AOPEP: variants seen among roughly 807,000 people sequenced by gnomAD.
AOPEP encodes the protein aminopeptidase O.
AOPEP carries 77 observed loss-of-function variants against 98.1 expected under a neutral mutation model. That is an observed-to-expected ratio of 0.78 (90% CI 0.65 to 0.95). The LOEUF is 0.95. Ranked by LOEUF, AOPEP falls within the 40% of genes least tolerant of loss-of-function variation. The pLI, the probability that AOPEP is intolerant of heterozygous loss-of-function variation, is 0.00. For missense variants in AOPEP, 1,024 were observed against 1,024.7 expected (o/e 1.00, Z 0.01); for synonymous variants, 346 against 365.3 (o/e 0.95, Z 0.60).
At chr9:94,928,716 G>A (rs141943676) in intron 7 of AOPEP, 185 bp downstream of exon 7, 35 of 531,618 alleles carry the variant, frequency 6.6e-5, no homozygotes, top group South Asian at 3.8e-4. Flanking sequence ...TTTGCCTTCC[G>A]TCATTTTCCT....
intron 16 of AOPEP, among the ~76,000 whole-genome samples, chr9:95,084,155 C>A (rs982152880): frequency 6.6e-6 from 1 of 152,054 alleles, no homozygotes; most frequent in African/African-American, 2.4e-5. Context: ...CGTGTTATAG[C>A]TTCTCTATAA....
intron 11 of AOPEP, chr9:95,004,109 T>C (rs1174834902): frequency 2.5e-6 from 1 of 398,270 alleles, no homozygotes; most frequent in East Asian, 7.5e-5. Context: ...AGACAGATTT[T>C]CTTTAAAGAA....
At chr9:94,934,026 G>T (rs2055836863) in intron 7 of AOPEP, among the ~76,000 whole-genome samples, 4 of 152,194 alleles carry the variant, frequency 2.6e-5, no homozygotes, top group Admixed American at 2.6e-4. Context: ...GGGATTACAG[G>T]CGTGAGCCAC....
intron 1 of AOPEP, among the ~76,000 whole-genome samples, chr9:94,751,660 C>T (rs1835804285): frequency 6.6e-6 from 1 of 151,952 alleles, no homozygotes; most frequent in Admixed American, 6.6e-5. Context: ...AATCATCTCT[C>T]TGGGCTTCTG....
At chr9:95,072,866 G>T (rs2068649944) in intron 14 of AOPEP, among the ~76,000 whole-genome samples, 1 of 152,176 alleles carries the variant, frequency 6.6e-6, no homozygotes, top group Admixed American at 6.5e-5. Flanking sequence ...TTCTAGCATT[G>T]CAGGAAGTCA....
intron 7 of AOPEP, among the ~76,000 whole-genome samples, chr9:94,953,457 T>C (rs1589058791): frequency 1.3e-5 from 2 of 152,214 alleles, no homozygotes; most frequent in African/African-American, 4.8e-5. Context: ...TAATCAGGGA[T>C]CCTGTTTGCT....
At chr9:94,926,081 C>T (rs958055985) in intron 6 of AOPEP, among the ~76,000 whole-genome samples, 5 of 152,198 alleles carry the variant, frequency 3.3e-5, no homozygotes, top group Admixed American at 1.3e-4. Flanking sequence ...CTCAGATTCG[C>T]GCTGGTCCTG....
Position 94,955,141 on chromosome 9 carries a change from G to A in AOPEP, c.1662-36G>A, listed in dbSNP as rs73657017. On this transcript the variant is annotated intron_variant, in intron 7 of 16. Transcript: ENST00000375315. ...TTATGACCTAATTACTTAAGAATGT[G>A]CTATACTTAAATAAATTGTTACTAA... 2.5e-3 allele frequency: 2,960 copies of A among 1,195,072 alleles called. 61 individuals are homozygous for A. The African/African-American group carries it at 0.041, about 16-fold the overall frequency. The allele number at this position is 1,195,072 out of a possible 1,614,324, so 74.0% of individuals were successfully genotyped here. A position where few individuals can be genotyped will look rare whatever the true frequency, so the allele number is the denominator to read the frequency against.
intron 5 of AOPEP, among the ~76,000 whole-genome samples, chr9:94,917,748 T>C (rs749645239): frequency 1.8e-4 from 27 of 152,288 alleles, no homozygotes; most frequent in Admixed American, 3.9e-4. Context: ...TCTGCATCCT[T>C]CCCTTTGTTG....
chr9:94,979,864 C>G (rs936098948), intron 11 of AOPEP, among the ~76,000 whole-genome samples: 1 of 152,176 alleles, frequency 6.6e-6, no homozygotes, highest in East Asian at 1.9e-4. Flanking sequence ...CGTCGTCTGT[C>G]CTGCCCCATG....
intron 13 of AOPEP, among the ~76,000 whole-genome samples, chr9:95,050,096 G>A (rs1394995100): frequency 6.6e-6 from 1 of 152,148 alleles, no homozygotes; most frequent in Non-Finnish European, 1.5e-5. Context: ...CAGTCTACTT[G>A]TTTCCTTGGA....
At chr9:95,067,244 C>T (rs1693248847) in intron 14 of AOPEP, among the ~76,000 whole-genome samples, 1 of 152,184 alleles carries the variant, frequency 6.6e-6, no homozygotes, top group Non-Finnish European at 1.5e-5. Context: ...GTTCAGGCCG[C>T]TCGCACGGAG....
At chr9:94,898,598 C>T (rs1255600221) in intron 5 of AOPEP, among the ~76,000 whole-genome samples, 1 of 149,096 alleles carries the variant, frequency 6.7e-6, no homozygotes, top group African/African-American at 2.5e-5. Context: ...CGCCATTGCA[C>T]TCCAGCCTGG....
chr9:95,111,534 TGGG>T, the AOPEP span: 1 of 1,614,054 alleles, frequency 6.2e-7, no homozygotes, highest in Non-Finnish European at 8.5e-7. Context: ...AGCAGGGCCG[TGGG>T]GGGTTCGGCT....
At chr9:94,899,039 C>T (rs1160859081) in intron 5 of AOPEP, among the ~76,000 whole-genome samples, 1 of 152,226 alleles carries the variant, frequency 6.6e-6, no homozygotes, top group African/African-American at 2.4e-5. Flanking sequence ...ATGCAATGTC[C>T]ATCATGCATT....
chr9:95,085,807 C>T, intron 16 of AOPEP: 2 of 936,756 alleles, frequency 2.1e-6, no homozygotes, highest in South Asian at 3.6e-5. Flanking sequence ...AAACTAAAAC[C>T]AAATGCATCA....
rs772722729 is a variant in AOPEP, at chr9:94,792,787, T to C, written c.987T>C (p.Tyr329=). 1 of 1,612,558 alleles carries C rather than the reference T, an allele frequency of 6.2e-7. No individual in the cohort carries two copies. Among genetic ancestry groups the C allele is most frequent in the Non-Finnish European group, 8.5e-7 (1 of 1,179,120 alleles). The part of the protein sequence containing the change: ...LWEECSSWYY[Y]VTMPMPASTF... ...CAGAGTGCTCAAGCTGGTATTACTATGTAACTATGCCAATGCCAGCCTCCA... is the reference window on the plus strand; with the variant it reads ...CAGAGTGCTCAAGCTGGTATTACTACGTAACTATGCCAATGCCAGCCTCCA... The change falls in exon 4 of 17, where the codon TAT becomes TAC. Residue 329 remains tyrosine, a synonymous_variant. Coordinates refer to ENST00000375315, the MANE Select transcript of AOPEP (RefSeq NM_001193329.3).
intron 9 of AOPEP, among the ~76,000 whole-genome samples, chr9:94,962,730 CTTTT>C: frequency 7.7e-6 from 1 of 129,732 alleles, no homozygotes; most frequent in African/African-American, 3.1e-5. Context: ...ATATTATCAT[CTTTT>C]TTTTTTTTTT....
chr9:95,145,913 G>T, the AOPEP span, among the ~76,000 whole-genome samples: 1 of 151,892 alleles, frequency 6.6e-6, no homozygotes, highest in African/African-American at 2.4e-5. Context: ...GATTGAAAGA[G>T]ACTTAAAAGA....
Sources: gnomAD v4.1 joint callset for allele counts (sites outside exome capture counted in the v4.1 genomes callset) on GRCh38, gnomAD v4.1.1 for gene constraint, MANE v1.5 for transcripts, NCBI Gene and HGNC (gene_info 2026-07-23, HGNC 2026-07-21) for gene names.